The following SCML2 variants were observed in gnomAD, a reference collection of about 807,000 sequenced individuals.
The protein encoded by SCML2 is sex comb on midleg-like protein 2.
In SCML2, 6 loss-of-function variants were observed where a neutral mutation model predicts 48.4. That is an observed-to-expected ratio of 0.12 (90% CI 0.07 to 0.24). SCML2 has a LOEUF of 0.24. Among genes scored for constraint, SCML2 ranks in the 10% least tolerant of loss-of-function variants. SCML2 has a pLI of 1.00. For synonymous variants in SCML2, 181 were observed against 189.5 expected (o/e 0.95, Z 0.37); for missense variants, 377 against 528.2 (o/e 0.71, Z 2.81).
chrX:18,302,569 T>A (rs1437182647), intron 7 of SCML2, among the ~76,000 whole-genome samples: 1 of 111,578 alleles, frequency 9.0e-6, no homozygotes, highest in African/African-American at 3.3e-5. Flanking sequence ...TAATTACTGC[T>A]TTAAATGTCG....
At chrX:18,326,133 T>C (rs1410616491) in intron 3 of SCML2, among the ~76,000 whole-genome samples, 1 of 112,362 alleles carries the variant, frequency 8.9e-6, no homozygotes, top group Non-Finnish European at 1.9e-5. Flanking sequence ...ATGTACACAA[T>C]TGGCTCTCCC....
intron 6 of SCML2, among the ~76,000 whole-genome samples, chrX:18,314,074 C>T (rs912499199): frequency 8.9e-6 from 1 of 111,959 alleles, no homozygotes; most frequent in African/African-American, 3.2e-5. Flanking sequence ...TAGCTGAGGA[C>T]ACTTTTCACC....
intron 9 of SCML2, among the ~76,000 whole-genome samples, chrX:18,259,298 G>A (rs770206967): frequency 9.2e-6 from 1 of 109,181 alleles, no homozygotes; most frequent in East Asian, 2.8e-4. Context: ...AAACATGAGG[G>A]CACATCACTA....
chrX:18,316,778 T>C (rs1431663383), intron 6 of SCML2, among the ~76,000 whole-genome samples: 2 of 112,284 alleles, frequency 1.8e-5, no homozygotes, highest in Admixed American at 1.9e-4. Flanking sequence ...ATCACTCGCA[T>C]TACCACCTCA....
chrX:18,246,435 C>T, intron 13 of SCML2, 142 bp downstream of exon 13: 3 of 551,986 alleles, frequency 5.4e-6, no homozygotes, highest in Non-Finnish European at 8.6e-6. Context: ...AATGGTCTGA[C>T]CTGACAGTGA....
intron 7 of SCML2, among the ~76,000 whole-genome samples, chrX:18,294,499 T>C (rs1928326417): frequency 9.0e-6 from 1 of 111,068 alleles, no homozygotes. Context: ...CTAGAGATCA[T>C]GCAACATCAT....
intron 7 of SCML2, among the ~76,000 whole-genome samples, chrX:18,270,319 G>A (rs1602093077): frequency 1.8e-5 from 2 of 111,348 alleles, no homozygotes; most frequent in Admixed American, 9.6e-5. Flanking sequence ...AAGCCACCGC[G>A]CCCGGCCAAA....
chrX:18,241,042 G>C lies in SCML2; in HGVS notation c.*209C>G, dbSNP rs1358367135. The C allele has an allele frequency of 8.0e-6, 2 of 248,989 alleles. No homozygotes were observed. Among genetic ancestry groups the C allele is most frequent in the Middle Eastern group, 1.2e-3 (1 of 813 alleles). 20.5% of individuals were successfully genotyped at this position (248,989 alleles called of 1,213,427 possible). ...TAAATGCTTTTTAAAGAAGTAGACT[G>C]GGGGAGTGGCGGCTGTGTCTCCCAA... On this transcript the variant is annotated 3_prime_UTR_variant, in exon 15 of 15. Transcript: ENST00000251900.
intron 1 of SCML2, among the ~76,000 whole-genome samples, chrX:18,342,285 C>T (rs781754700): frequency 1.8e-5 from 2 of 109,993 alleles, no homozygotes; most frequent in Admixed American, 2.0e-4. Flanking sequence ...GTAGAAGTTG[C>T]TTCACTTAAT....
intron 2 of SCML2, among the ~76,000 whole-genome samples, chrX:18,333,113 T>C (rs1404899131): frequency 9.2e-6 from 1 of 108,452 alleles, no homozygotes; most frequent in Non-Finnish European, 1.9e-5. Context: ...CTGTCTCTAC[T>C]AAAAATACAA....
At chrX:18,299,281 A>T (rs1199752349) in intron 7 of SCML2, among the ~76,000 whole-genome samples, 1 of 111,520 alleles carries the variant, frequency 9.0e-6, no homozygotes, top group Non-Finnish European at 1.9e-5. Context: ...TGGGAGGCCA[A>T]GGTGGGCGGA....
intron 3 of SCML2, among the ~76,000 whole-genome samples, chrX:18,326,282 A>G (rs1305110415): frequency 8.9e-6 from 1 of 112,342 alleles, no homozygotes; most frequent in Non-Finnish European, 1.9e-5. Context: ...AATAGATCTA[A>G]GAGACCGTTT....
At chrX:18,342,711 C>CAA (rs768614879) in intron 1 of SCML2, among the ~76,000 whole-genome samples, 3 of 71,259 alleles carry the variant, frequency 4.2e-5, no homozygotes, top group Non-Finnish European at 5.4e-5. Flanking sequence ...GACTCCATCT[C>CAA]AAAAAAAAAA....
intron 1 of SCML2, chrX:18,341,353 G>A: frequency 2.9e-6 from 1 of 339,733 alleles, no homozygotes. Context: ...CTAAGAGCCT[G>A]GAGGATTCCC....
At chrX:18,246,273 T>G (rs1226214550) in intron 13 of SCML2, among the ~76,000 whole-genome samples, 2 of 111,986 alleles carry the variant, frequency 1.8e-5, no homozygotes, top group African/African-American at 6.5e-5. Context: ...CTCAGAGTCA[T>G]GAGAGGTTTG....
At chrX:18,317,848 A>AG (rs1397429646) in intron 6 of SCML2, among the ~76,000 whole-genome samples, 3 of 109,034 alleles carry the variant, frequency 2.8e-5, no homozygotes, top group Non-Finnish European at 5.7e-5. Context: ...AAAAAAAAAA[A>AG]AAAAAGAAAA....
At chrX:18,275,448 A>G (rs941019500) in intron 7 of SCML2, among the ~76,000 whole-genome samples, 5 of 112,555 alleles carry the variant, frequency 4.4e-5, no homozygotes, top group Admixed American at 1.9e-4. Flanking sequence ...CCAGGCAAAC[A>G]TAGGACCATG....
At chrX:18,267,860 T>C (rs751030067) in intron 7 of SCML2, among the ~76,000 whole-genome samples, 23 of 111,189 alleles carry the variant, frequency 2.1e-4, no homozygotes, top group African/African-American at 7.5e-4. Flanking sequence ...CCTCCCAGAG[T>C]GCTGGGATTA....
Position 18,317,484 on chromosome X carries a change from T to C in SCML2, c.486+2848A>G, listed in dbSNP as rs762988529. On this transcript the variant is annotated intron_variant, in intron 6 of 14. Coordinates refer to ENST00000251900, the MANE Select transcript of SCML2 (RefSeq NM_006089.3). ...AGAAAAAGTAAACCACAGAATAATA[T>C]GTACAATATATTCCAACTGATGTTT... Among the ~76,000 whole-genome samples, 96 of 111,869 alleles carry C rather than the reference T, an allele frequency of 8.6e-4. No homozygotes were observed. In the Middle Eastern group the frequency reaches 0.019, roughly 22 times the overall value.
Sources: gnomAD v4.1 joint callset for allele counts (sites outside exome capture counted in the v4.1 genomes callset) on GRCh38, gnomAD v4.1.1 for gene constraint, MANE v1.5 for transcripts, NCBI Gene and HGNC (gene_info 2026-07-23, HGNC 2026-07-21) for gene names.